The following ANKMY1 variants were observed in gnomAD, a reference collection of about 807,000 sequenced individuals.
ANKMY1 encodes the protein ankyrin repeat and MYND domain-containing protein 1.
In ANKMY1, 98 loss-of-function variants were observed where a neutral mutation model predicts 102.0. The ratio of observed to expected loss-of-function variants is 0.96; its 90% CI spans 0.82 to 1.14. The LOEUF (loss-of-function observed/expected upper bound fraction) is 1.14. ANKMY1 is among the 50% of genes most tolerant of loss of function. The pLI, the probability that ANKMY1 is intolerant of heterozygous loss-of-function variation, is 0.00. For missense variants in ANKMY1, 1,330 were observed against 1,347.6 expected (o/e 0.99, Z 0.20); for synonymous variants, 582 against 559.9 (o/e 1.04, Z -0.56).
intron 6 of ANKMY1, 87 bp downstream of exon 6, chr2:240,526,142 G>A: frequency 1.3e-6 from 2 of 1,493,708 alleles, no homozygotes; most frequent in African/African-American, 1.4e-5. Flanking sequence ...CTCTGCTCCT[G>A]CAGAGGGGGC....
chr2:240,560,533 G>T (rs576520296), upstream of ANKMY1: 174 of 1,159,352 alleles, frequency 1.5e-4, 1 homozygote, highest in South Asian at 4.3e-3. Flanking sequence ...GCCCGCGGGG[G>T]ACCCAAGCCC....
intron 4 of ANKMY1, among the ~76,000 whole-genome samples, chr2:240,549,153 G>A (rs1309278763): frequency 1.3e-5 from 2 of 151,658 alleles, no homozygotes; most frequent in African/African-American, 4.9e-5. Flanking sequence ...CATGGGACTG[G>A]TACCAAAACA....
rs1321861620 is a variant in ANKMY1, at chr2:240,520,381, TC to T, written c.1984del (p.Asp662ThrfsTer8). ...TCCTACCTGCGGCGGAAAGCAGATG[TC>T]GGTCCTCGCCCCGTGCTCCAGCAGC... ...RLLLEHGART[D>X]ICFPPQLSTL... On this transcript the variant is annotated frameshift_variant, in exon 9 of 18. Transcript: ENST00000401804. LOFTEE classifies it high-confidence loss of function. The surrounding 1 kb of genome is among the most constrained non-coding windows in gnomAD (Gnocchi z 4.8). The T allele has an allele frequency of 4.5e-6, 7 of 1,568,860 alleles. No individual in the cohort carries two copies. In the Admixed American group the frequency reaches 9.5e-5, roughly 21 times the overall value.
upstream of ANKMY1, chr2:240,560,966 C>G (rs1007823553): frequency 7.9e-6 from 12 of 1,514,982 alleles, no homozygotes; most frequent in African/African-American, 7.2e-5. Flanking sequence ...CCGCGGTGCG[C>G]GCCGGCGGCG....
chr2:240,520,634 G>A lies in ANKMY1; in HGVS notation c.1833-101C>T. On this transcript the variant is annotated intron_variant, in intron 8 of 17. Coordinates refer to ENST00000401804, the MANE Select transcript of ANKMY1 (RefSeq NM_001282771.3). The surrounding 1 kb of genome is among the most constrained non-coding windows in gnomAD (Gnocchi z 4.8). ...GAGGAGGCTGGGGAGGGGCGCGTAG[G>A]GAGTATGTGTGTGCCGCAACTACAC... The A allele has an allele frequency of 7.1e-7, 1 of 1,405,312 alleles. No individual in the cohort carries two copies. The highest frequency in any genetic ancestry group is 1.4e-5 in the South Asian group (1 of 70,708). 87.1% of individuals were successfully genotyped at this position (1,405,312 alleles called of 1,614,324 possible). A position where few individuals can be genotyped will look rare whatever the true frequency, so the allele number is the denominator to read the frequency against.
downstream of ANKMY1, among the ~76,000 whole-genome samples, chr2:240,478,197 T>C (rs2074988254): frequency 6.6e-6 from 1 of 152,244 alleles, no homozygotes; most frequent in South Asian, 2.1e-4. Flanking sequence ...CCATGTTTCC[T>C]GTGCAGCCTG....
chr2:240,486,448 C>G lies in ANKMY1; in HGVS notation c.2807-4187G>C, dbSNP rs2076071301. On this transcript the variant is annotated intron_variant, in intron 15 of 17. Coordinates refer to ENST00000401804, the MANE Select transcript of ANKMY1 (RefSeq NM_001282771.3). Reference sequence around the variant, plus strand: ...CATTTATATTCTTCTTTACAATTAACTTTTCCAATGCTCTTTGTTCATGTG... The same window carrying G: ...CATTTATATTCTTCTTTACAATTAAGTTTTCCAATGCTCTTTGTTCATGTG... Among the ~76,000 whole-genome samples, 3 of 152,138 alleles carry G rather than the reference C, an allele frequency of 2.0e-5. No homozygotes were observed. In the South Asian group the frequency reaches 6.2e-4, roughly 31 times the overall value.
At chr2:240,489,456 C>CAA (rs34868627) in intron 15 of ANKMY1, among the ~76,000 whole-genome samples, 451 of 137,518 alleles carry the variant, frequency 3.3e-3, no homozygotes, top group African/African-American at 9.5e-3. Context: ...GACTCTATCT[C>CAA]AAAAAAAAAA....
At chr2:240,490,245 T>G (rs1425444332) in intron 15 of ANKMY1, among the ~76,000 whole-genome samples, 2 of 152,216 alleles carry the variant, frequency 1.3e-5, no homozygotes, top group African/African-American at 4.8e-5. Flanking sequence ...ATTTCATTGA[T>G]TCTCTGTATT....
Position 240,529,303 on chromosome 2 carries a change from C to A in ANKMY1, c.687G>T (p.Thr229=). 1 of 1,614,186 alleles carries A rather than the reference C, an allele frequency of 6.2e-7. No homozygotes were observed. The highest frequency in any genetic ancestry group is 1.3e-5 in the African/African-American group (1 of 75,044). The change falls in exon 5 of 18, where the codon ACG becomes ACT. Residue 229 remains threonine (T), a synonymous_variant. Coordinates refer to ENST00000401804, the MANE Select transcript of ANKMY1 (RefSeq NM_001282771.3). This position sits in a 1 kb window ranked among gnomAD's most constrained non-coding sequence, Gnocchi z 4.2. ...ARISLSEEEK[T]EWGLQEGQDP... is the part of the protein sequence containing the mutation. ...CCTGTCCCTCCTGCAGTCCCCACTC[C>A]GTTTTCTCCTCTTCTGAGAGGCTGA...
intron 4 of ANKMY1, among the ~76,000 whole-genome samples, chr2:240,549,560 C>T (rs564797309): frequency 1.0e-3 from 155 of 152,216 alleles, no homozygotes; most frequent in African/African-American, 3.4e-3. Flanking sequence ...AAGAAACTAC[C>T]ATCAGAGTAA....
intron 4 of ANKMY1, among the ~76,000 whole-genome samples, chr2:240,548,800 C>A (rs1201350303): frequency 6.7e-6 from 1 of 148,962 alleles, no homozygotes; most frequent in African/African-American, 2.5e-5. Flanking sequence ...AGGAATCCAA[C>A]TTACAAGGGA....
intron 4 of ANKMY1, among the ~76,000 whole-genome samples, chr2:240,530,616 G>A (rs1026069108): frequency 6.6e-6 from 1 of 152,072 alleles, no homozygotes; most frequent in Non-Finnish European, 1.5e-5. Flanking sequence ...AAATTACCCA[G>A]CCTCAGGTAT....
intron 15 of ANKMY1, among the ~76,000 whole-genome samples, chr2:240,493,190 G>T (rs1468150253): frequency 1.3e-5 from 2 of 152,032 alleles, no homozygotes; most frequent in Non-Finnish European, 2.9e-5. Context: ...AGCCAGGCAT[G>T]GTGGTGCATG....
At chr2:240,513,198 C>T (rs1297155965) in intron 9 of ANKMY1, among the ~76,000 whole-genome samples, 5 of 152,202 alleles carry the variant, frequency 3.3e-5, no homozygotes, top group Admixed American at 1.3e-4. Flanking sequence ...GGTAGGAAGG[C>T]CCACCCTGAA....
chr2:240,520,146 A>T lies in ANKMY1; in HGVS notation c.2004+216T>A, dbSNP rs995002375. Reference sequence around the variant, plus strand: ...ATCACACGGATCGTGAAGTACTCTAAAAACTAGCTCGGTGTCCAAATCCTG... The same window carrying T: ...ATCACACGGATCGTGAAGTACTCTATAAACTAGCTCGGTGTCCAAATCCTG... On this transcript the variant is annotated intron_variant, in intron 9 of 17. Transcript: ENST00000401804. This position sits in a 1 kb window ranked among gnomAD's most constrained non-coding sequence, Gnocchi z 4.8. The T allele has an allele frequency of 5.0e-6, 4 of 801,978 alleles. No homozygotes were observed. In the Admixed American group the frequency reaches 8.0e-5, roughly 16 times the overall value. The allele number at this position is 801,978 out of a possible 1,614,324, so 49.7% of individuals were successfully genotyped here. A position where few individuals can be genotyped will look rare whatever the true frequency, so the allele number is the denominator to read the frequency against.
chr2:240,527,615 ATGT>A (rs1248755152), intron 5 of ANKMY1: 2 of 147,562 alleles, frequency 1.4e-5, no homozygotes, highest in African/African-American at 5.0e-5. Flanking sequence ...GGATAAATGG[ATGT>A]TAAGTGGGTG....
chr2:240,529,393 G>A lies in ANKMY1; in HGVS notation c.597C>T (p.Pro199=). 4 of 1,614,168 alleles carry A rather than the reference G, an allele frequency of 2.5e-6. No homozygotes were observed. The highest frequency in any genetic ancestry group is 3.4e-6 in the Non-Finnish European group (4 of 1,180,038). Residue 199 remains proline (P), a synonymous_variant, in exon 5 of 18, where the codon CCC becomes CCT. Transcript: ENST00000401804. This position sits in a 1 kb window ranked among gnomAD's most constrained non-coding sequence, Gnocchi z 4.2. The stretch of plus-strand genomic sequence containing the variant: ...GGTATCTGAGGAGGGAGAAGCCACT[G>A]GGGATCTGGGTGCACAGCTTGATGA... ...EQLIKLCTQI[P]SGFSLLRYPE...
At chr2:240,472,867 G>T in the ANKMY1 span, among the ~76,000 whole-genome samples, 2 of 152,298 alleles carry the variant, frequency 1.3e-5, no homozygotes, top group South Asian at 4.1e-4. Flanking sequence ...GCTCATGCCT[G>T]TCATCCCAGC....
Sources: allele counts gnomAD v4.1 joint callset (sites outside exome capture counted in the v4.1 genomes callset), GRCh38; gene constraint gnomAD v4.1.1; non-coding constraint Gnocchi (gnomAD v3.1); transcripts MANE v1.5; gene names NCBI Gene and HGNC (gene_info 2026-07-23, HGNC 2026-07-21).